Variants in GRM5 observed in about 807,000 individuals in gnomAD.
GRM5 encodes the protein glutamate metabotropic receptor 5, also known as metabotropic glutamate receptor 5.
A neutral mutation model predicts 83.1 loss-of-function variants in GRM5; 19 were observed. The observed-to-expected ratio is 0.23, with a 90% confidence interval of 0.16 to 0.34. The LOEUF (loss-of-function observed/expected upper bound fraction) is 0.34. GRM5 is among the 10% of genes least tolerant of loss of function. GRM5 has a pLI of 1.00. For synonymous variants in GRM5, 675 were observed against 633.6 expected, an observed-to-expected ratio of 1.07 and a Z score of -0.98; for missense variants, 1,160 against 1,588.3, an observed-to-expected ratio of 0.73 and a Z score of 4.58.
chr11:88,953,189 T>C (rs981276087), intron 2 of GRM5, among the ~76,000 whole-genome samples: 5 of 152,184 alleles, frequency 3.3e-5, no homozygotes, highest in African/African-American at 1.2e-4. Context: ...TGTTTGCGGA[T>C]TGAGGGTTTT....
intron 9 of GRM5, among the ~76,000 whole-genome samples, chr11:88,510,578 G>A (rs550700742): frequency 1.2e-4 from 18 of 152,088 alleles, no homozygotes; most frequent in Non-Finnish European, 2.5e-4. Context: ...GTGCAGTGGC[G>A]CCATCTCAGC....
At chr11:88,988,695 A>G (rs182982067) in intron 2 of GRM5, among the ~76,000 whole-genome samples, 5,919 of 151,172 alleles carry the variant, frequency 0.039, 367 homozygotes, top group African/African-American at 0.14. Flanking sequence ...AAGAGAGTGG[A>G]GGCCAATACT....
intron 9 of GRM5, chr11:88,512,395 C>G (rs1377260393): frequency 1.3e-5 from 2 of 153,898 alleles, no homozygotes; most frequent in African/African-American, 4.8e-5. Context: ...TTTTTTTTCC[C>G]TGAAGTAAAT....
chr11:89,054,332 C>T, intron 1 of GRM5, among the ~76,000 whole-genome samples: 1 of 152,086 alleles, frequency 6.6e-6, no homozygotes, highest in Admixed American at 6.5e-5. Context: ...TCAGCCCGAA[C>T]ACAAAAAGGA....
chr11:88,772,999 G>T (rs1412749090), intron 3 of GRM5, among the ~76,000 whole-genome samples: 1 of 152,166 alleles, frequency 6.6e-6, no homozygotes, highest in Non-Finnish European at 1.5e-5. Flanking sequence ...GATAACTCTA[G>T]TTCTAGATCC....
intron 3 of GRM5, among the ~76,000 whole-genome samples, chr11:88,783,751 C>T (rs11825286): frequency 0.047 from 7,073 of 152,014 alleles, 328 homozygotes; most frequent in African/African-American, 0.13. Flanking sequence ...ACTTCTGTGT[C>T]TTACTTTTTT....
chr11:88,906,682 T>C lies in GRM5; in HGVS notation c.662-56527A>G, dbSNP rs367889829. The stretch of plus-strand genomic sequence containing the variant: ...AATGAATGCAATACTCAACAGAGAG[T>C]TGGAAAATAAGGCATAAATTTTGAG... On this transcript the variant is annotated intron_variant, in intron 2 of 9. Transcript: ENST00000305447. 9.9e-5 allele frequency among the ~76,000 whole-genome samples: 15 copies of C among 152,166 alleles called. No individual in the cohort carries two copies. The East Asian group carries it at 2.9e-3, about 29-fold the overall frequency.
At chr11:88,581,091 C>T (rs534774808) in intron 7 of GRM5, among the ~76,000 whole-genome samples, 12 of 151,896 alleles carry the variant, frequency 7.9e-5, no homozygotes, top group South Asian at 2.1e-4. Context: ...CCAACCTGGG[C>T]GACAGAGCAA....
chr11:88,585,854 G>T (rs983376361), intron 7 of GRM5, among the ~76,000 whole-genome samples: 3 of 152,106 alleles, frequency 2.0e-5, no homozygotes, highest in Non-Finnish European at 4.4e-5. Context: ...AGGAATAACT[G>T]CTTGCTGTCC....
intron 2 of GRM5, among the ~76,000 whole-genome samples, chr11:88,878,478 C>A (rs1241918770): frequency 6.6e-6 from 1 of 152,076 alleles, no homozygotes; most frequent in East Asian, 1.9e-4. Flanking sequence ...CTATTCCCTC[C>A]CCACAGTGGA....
chr11:88,666,963 A>T (rs1280174562), intron 3 of GRM5, among the ~76,000 whole-genome samples: 2 of 152,228 alleles, frequency 1.3e-5, no homozygotes, highest in African/African-American at 4.8e-5. Flanking sequence ...AATGAAATCA[A>T]CCCCATCCCA....
At chr11:88,938,319 T>C (rs1362531137) in intron 2 of GRM5, among the ~76,000 whole-genome samples, 1 of 151,616 alleles carries the variant, frequency 6.6e-6, no homozygotes, top group African/African-American at 2.4e-5. Flanking sequence ...GACTTTGATT[T>C]TTGTGTTTTA....
At chr11:88,747,631 A>G (rs1942171038) in intron 3 of GRM5, among the ~76,000 whole-genome samples, 1 of 152,110 alleles carries the variant, frequency 6.6e-6, no homozygotes, top group African/African-American at 2.4e-5. Context: ...AAAATTCACT[A>G]GAATATACAT....
chr11:88,529,970 C>T (rs944525876), intron 8 of GRM5, among the ~76,000 whole-genome samples: 1 of 151,910 alleles, frequency 6.6e-6, no homozygotes, highest in African/African-American at 2.4e-5. Flanking sequence ...GTGGGACATC[C>T]AAGTGGACAT....
At chr11:88,654,325 A>G (rs576711507) in intron 3 of GRM5, among the ~76,000 whole-genome samples, 111 of 152,236 alleles carry the variant, frequency 7.3e-4, no homozygotes, top group African/African-American at 2.7e-3. Flanking sequence ...AAAGGCATGA[A>G]AAGATGTTTG....
chr11:88,605,754 T>C (rs1591377041), intron 4 of GRM5, among the ~76,000 whole-genome samples: 1 of 152,128 alleles, frequency 6.6e-6, no homozygotes, highest in African/African-American at 2.4e-5. Flanking sequence ...TCCCTTCCAA[T>C]AGAAGGTTCT....
intron 3 of GRM5, among the ~76,000 whole-genome samples, chr11:88,758,653 A>T (rs1038864568): frequency 2.6e-5 from 4 of 152,202 alleles, no homozygotes; most frequent in African/African-American, 4.8e-5. Flanking sequence ...AATGGAATCA[A>T]CTTGGAAAGC....
chr11:89,065,948 A>G lies in GRM5; in HGVS notation c.-373T>C, dbSNP rs1412118426. ...GCGGTGGCGCTCGCTCTCTCGCGCC[A>G]GCGCCGGGAGCACGTGCCGCGCTCG... On this transcript the variant is annotated 5_prime_UTR_variant, in exon 1 of 10. Coordinates refer to ENST00000305447, the MANE Select transcript of GRM5 (RefSeq NM_001143831.3). The G allele has an allele frequency of 6.6e-6, 1 of 151,764 alleles. No homozygotes were observed. The highest frequency in any genetic ancestry group is 1.5e-5 in the Non-Finnish European group (1 of 67,936). 9.4% of individuals were successfully genotyped at this position (151,764 alleles called of 1,614,324 possible).
rs528294453 is a variant in GRM5, at chr11:88,783,346, A to G, written c.911+66560T>C. On this transcript the variant is annotated intron_variant, in intron 3 of 9. Coordinates refer to ENST00000305447, the MANE Select transcript of GRM5 (RefSeq NM_001143831.3). ...GGTATCTTCCTCACTGTCCATATAC[A>G]TTATCATTGAACTTCTGTGAAATAA... 5.3e-5 allele frequency among the ~76,000 whole-genome samples: 8 copies of G among 152,238 alleles called. No individual in the cohort carries two copies. The South Asian group carries it at 1.7e-3, about 32-fold the overall frequency.
Sources: allele counts gnomAD v4.1 joint callset (sites outside exome capture counted in the v4.1 genomes callset), GRCh38; gene constraint gnomAD v4.1.1; transcripts MANE v1.5; gene names NCBI Gene and HGNC (gene_info 2026-07-23, HGNC 2026-07-21).